RHOA: variants seen among roughly 807,000 people sequenced by gnomAD.
The protein encoded by RHOA is ras homolog family member A, also known as transforming protein RhoA.
RHOA carries 3 observed loss-of-function variants against 17.5 expected under a neutral mutation model. The observed-to-expected ratio is 0.17, with a 90% CI of 0.08 to 0.44. The LOEUF (loss-of-function observed/expected upper bound fraction) is 0.44, where lower values mean the gene tolerates loss of function less well. Among genes scored for constraint, RHOA ranks in the 20% least tolerant of loss-of-function variants. The pLI is 0.99. For missense variants in RHOA, 56 were observed against 242.3 expected (o/e 0.23, Z 5.10); for synonymous variants, 98 against 88.4 (o/e 1.11, Z -0.61).
chr3:49,404,459 A>ACACACACACACAC, intron 1 of RHOA, among the ~76,000 whole-genome samples: 1 of 3,046 alleles, frequency 3.3e-4, no homozygotes, highest in African/African-American at 5.3e-4. Flanking sequence ...CACACACACA[A>ACACACACACACAC]AATTAGCCGG....
chr3:49,393,351 G>T (rs2048542721), intron 1 of RHOA, among the ~76,000 whole-genome samples: 1 of 151,838 alleles, frequency 6.6e-6, no homozygotes, highest in African/African-American at 2.4e-5. Context: ...CTGTCACCCA[G>T]ACTGGAGTGC....
In RHOA at chr3:49,360,143, A is replaced by T; in HGVS notation, c.*66T>A. 5 of 1,439,860 alleles carry T rather than the reference A, an allele frequency of 3.5e-6. No homozygotes were observed. The highest frequency in any genetic ancestry group is 1.4e-5 in the African/African-American group (1 of 70,190). The allele number at this position is 1,439,860 out of a possible 1,614,324, so 89.2% of individuals were successfully genotyped here. ...AGATAAATGAAAAAGGCCAGTAATC[A>T]TACACTAAGATTAATAAACAGCACT... On this transcript the variant is annotated 3_prime_UTR_variant, in exon 5 of 5. Transcript: ENST00000418115.
At chr3:49,383,311 T>G (rs2048347086) in intron 1 of RHOA, among the ~76,000 whole-genome samples, 1 of 149,804 alleles carries the variant, frequency 6.7e-6, no homozygotes, top group African/African-American at 2.5e-5. Flanking sequence ...TCCCAGCTAC[T>G]CGGGAGGCTG....
intron 1 of RHOA, among the ~76,000 whole-genome samples, chr3:49,393,729 T>TGTGTGTGTGTGA (rs1553635013): frequency 7.3e-6 from 1 of 136,752 alleles, no homozygotes; most frequent in Non-Finnish European, 1.5e-5. Flanking sequence ...TGTGTGTGTG[T>TGTGTGTGTGTGA]GACAGAATCT....
intron 1 of RHOA, among the ~76,000 whole-genome samples, chr3:49,402,335 T>A (rs2048739157): frequency 6.6e-6 from 1 of 152,136 alleles, no homozygotes; most frequent in Non-Finnish European, 1.5e-5. Context: ...TAAGAATTTA[T>A]ATATGCTTAT....
intron 3 of RHOA, among the ~76,000 whole-genome samples, chr3:49,365,990 G>A (rs1013950047): frequency 6.6e-6 from 1 of 152,126 alleles, no homozygotes; most frequent in Non-Finnish European, 1.5e-5. Flanking sequence ...CCAGGAGGTC[G>A]AGGCAGCAGT....
At chr3:49,384,902 T>G (rs918636267) in intron 1 of RHOA, among the ~76,000 whole-genome samples, 4 of 151,972 alleles carry the variant, frequency 2.6e-5, no homozygotes, top group African/African-American at 9.7e-5. Context: ...TTCTCTACTA[T>G]GAACACAAAA....
At chr3:49,362,695 G>A in intron 3 of RHOA, 69 bp from the exon 4 acceptor site, 4 of 1,337,482 alleles carry the variant, frequency 3.0e-6, no homozygotes, top group Non-Finnish European at 4.1e-6. Flanking sequence ...AAGAACCTCA[G>A]TGAAATTGCA....
At chr3:49,388,701 T>C (rs996081833) in intron 1 of RHOA, among the ~76,000 whole-genome samples, 4 of 152,224 alleles carry the variant, frequency 2.6e-5, no homozygotes, top group African/African-American at 9.6e-5. Context: ...AGCTGTTCAA[T>C]GGGCCAGCCC....
intron 1 of RHOA, among the ~76,000 whole-genome samples, chr3:49,378,771 A>G (rs2048273028): frequency 6.6e-6 from 1 of 151,694 alleles, no homozygotes; most frequent in African/African-American, 2.4e-5. Flanking sequence ...CAGCTGACTA[A>G]TTTTTATACA....
chr3:49,364,533 C>T (rs943688432), intron 3 of RHOA, among the ~76,000 whole-genome samples: 5 of 151,042 alleles, frequency 3.3e-5, no homozygotes, highest in Admixed American at 2.6e-4. Context: ...TGGTGGTGCA[C>T]ACCTGTAATC....
intron 1 of RHOA, among the ~76,000 whole-genome samples, chr3:49,388,390 T>C (rs1020842353): frequency 9.2e-5 from 14 of 152,248 alleles, no homozygotes; most frequent in African/African-American, 3.1e-4. Context: ...GAAAGAATGA[T>C]AGGTGAAGGC....
rs1176219779 is a variant in RHOA at position 49,403,265 on chromosome 3, G to A, written c.-3+8555C>T. Among the ~76,000 whole-genome samples the A allele has an allele frequency of 3.3e-5, 5 of 152,252 alleles. No individual in the cohort carries two copies. The South Asian group carries it at 8.3e-4, about 25-fold the overall frequency. ...AGGCAGGGGAATCACTTGAACCCGG[G>A]AGGCAGAGGCTGCAGTGAGCCAAGA... is the stretch of plus-strand genomic sequence containing the variant. On this transcript the variant is annotated intron_variant, in intron 1 of 4. Coordinates refer to ENST00000418115, the MANE Select transcript of RHOA (RefSeq NM_001664.4).
At chr3:49,402,950 T>A (rs1357581621) in intron 1 of RHOA, among the ~76,000 whole-genome samples, 1 of 150,386 alleles carries the variant, frequency 6.6e-6, no homozygotes, top group Non-Finnish European at 1.5e-5. Context: ...AGCAGAAGAA[T>A]CGCTTGAACC....
chr3:49,406,834 T>A (rs1251499038), intron 1 of RHOA: 1 of 151,648 alleles, frequency 6.6e-6, no homozygotes, highest in Non-Finnish European at 1.5e-5. Flanking sequence ...AAGAAAAAAA[T>A]AAAGCAAAAA....
chr3:49,361,792 A>C (rs2047976361), intron 4 of RHOA, among the ~76,000 whole-genome samples: 1 of 152,160 alleles, frequency 6.6e-6, no homozygotes, highest in African/African-American at 2.4e-5. Flanking sequence ...GAGGCAGGAG[A>C]ATCACTTAAA....
intron 1 of RHOA, among the ~76,000 whole-genome samples, chr3:49,409,742 C>T (rs1360259331): frequency 1.3e-5 from 2 of 152,190 alleles, no homozygotes; most frequent in Non-Finnish European, 2.9e-5. Context: ...TTTTAAAAAG[C>T]AGTTAACTGA....
chr3:49,397,971 G>A (rs1202346939), intron 1 of RHOA, among the ~76,000 whole-genome samples: 1 of 152,188 alleles, frequency 6.6e-6, no homozygotes, highest in Non-Finnish European at 1.5e-5. Flanking sequence ...GCTAAAAGCA[G>A]CCACCTTTGA....
intron 1 of RHOA, among the ~76,000 whole-genome samples, chr3:49,395,968 C>T (rs4855879): frequency 0.98 from 149,470 of 152,200 alleles, 73,471 homozygotes; most frequent in Middle Eastern, 1. Flanking sequence ...CATAGTCTTC[C>T]AGTGTATGGA....
Sources: allele counts gnomAD v4.1 joint callset (sites outside exome capture counted in the v4.1 genomes callset), GRCh38; gene constraint gnomAD v4.1.1; transcripts MANE v1.5; gene names NCBI Gene and HGNC (gene_info 2026-07-23, HGNC 2026-07-21).